The following PPP3CA variants were observed in gnomAD, a reference collection of about 807,000 sequenced individuals.
The protein encoded by PPP3CA is protein phosphatase 3 catalytic subunit alpha, also known as CAM-PRP catalytic subunit.
A neutral mutation model predicts 66.5 loss-of-function variants in PPP3CA; 14 were observed. That is an observed-to-expected ratio of 0.21 (90% CI 0.14 to 0.33). PPP3CA has a LOEUF of 0.33. PPP3CA is among the 10% of genes least tolerant of loss of function. The pLI, the probability that PPP3CA is intolerant of heterozygous loss-of-function variation, is 1.00. For missense variants in PPP3CA, 317 were observed against 639.5 expected (o/e 0.50, Z 5.44); for synonymous variants, 232 against 226.2 (o/e 1.03, Z -0.23).
intron 2 of PPP3CA, among the ~76,000 whole-genome samples, chr4:101,182,254 G>A (rs1481901112): frequency 1.3e-5 from 2 of 152,126 alleles, no homozygotes; most frequent in African/African-American, 4.8e-5. Context: ...AGAAGTTTTA[G>A]ATACAGTTAT....
intron 1 of PPP3CA, among the ~76,000 whole-genome samples, chr4:101,296,135 T>C (rs1424253426): frequency 6.6e-6 from 1 of 152,168 alleles, no homozygotes; most frequent in Non-Finnish European, 1.5e-5. Context: ...TGTTCCTAAA[T>C]GGTAGCACAA....
chr4:101,310,875 T>C (rs1306572539), intron 1 of PPP3CA, among the ~76,000 whole-genome samples: 1 of 152,160 alleles, frequency 6.6e-6, no homozygotes, highest in Non-Finnish European at 1.5e-5. Flanking sequence ...TGAATGTACT[T>C]AAAATGAAAG....
At chr4:101,026,541 A>C (rs1057011693) in intron 13 of PPP3CA, among the ~76,000 whole-genome samples, 2 of 152,212 alleles carry the variant, frequency 1.3e-5, no homozygotes, top group African/African-American at 2.4e-5. Flanking sequence ...AAACCTAGCA[A>C]AGGGCTTAAA....
At chr4:101,213,430 C>T (rs1272468249) in intron 1 of PPP3CA, among the ~76,000 whole-genome samples, 1 of 151,974 alleles carries the variant, frequency 6.6e-6, no homozygotes, top group Admixed American at 6.6e-5. Context: ...ATCTTCAAAC[C>T]AATGATGGAT....
At chr4:101,151,749 C>T (rs763178383) in intron 2 of PPP3CA, among the ~76,000 whole-genome samples, 3 of 138,050 alleles carry the variant, frequency 2.2e-5, no homozygotes, top group Non-Finnish European at 3.1e-5. Flanking sequence ...CTCCGCCTTC[C>T]GGGTTCAAGC....
intron 1 of PPP3CA, among the ~76,000 whole-genome samples, chr4:101,208,452 C>A (rs530398156): frequency 2.0e-5 from 3 of 152,260 alleles, no homozygotes; most frequent in Non-Finnish European, 2.9e-5. Flanking sequence ...AGGAATGGAG[C>A]CATTCTTAGC....
intron 2 of PPP3CA, among the ~76,000 whole-genome samples, chr4:101,158,891 A>G (rs1723411744): frequency 6.6e-6 from 1 of 152,218 alleles, no homozygotes; most frequent in African/African-American, 2.4e-5. Flanking sequence ...CTTTTAACCA[A>G]TATCATCCAT....
chr4:101,281,857 T>G (rs1560696362), intron 1 of PPP3CA, among the ~76,000 whole-genome samples: 1 of 152,194 alleles, frequency 6.6e-6, no homozygotes, highest in Non-Finnish European at 1.5e-5. Flanking sequence ...AAAGACAGAC[T>G]TGCTAGTTAT....
intron 1 of PPP3CA, among the ~76,000 whole-genome samples, chr4:101,300,578 T>G (rs1322259730): frequency 6.6e-6 from 1 of 152,162 alleles, no homozygotes; most frequent in Non-Finnish European, 1.5e-5. Context: ...GTGGATCACT[T>G]GATGCCAGGA....
intron 1 of PPP3CA, among the ~76,000 whole-genome samples, chr4:101,228,498 A>G (rs1725853624): frequency 6.6e-6 from 1 of 151,664 alleles, no homozygotes; most frequent in South Asian, 2.1e-4. Context: ...CACCATGCAA[A>G]ATGGAATTTT....
At chr4:101,108,035 C>T (rs887426677) in intron 3 of PPP3CA, 5 of 152,152 alleles carry the variant, frequency 3.3e-5, no homozygotes, top group Admixed American at 3.3e-4. Flanking sequence ...ATGAATAAAA[C>T]AAGGTCTCTG....
chr4:101,050,578 T>C (rs1727966532), intron 10 of PPP3CA, among the ~76,000 whole-genome samples: 6 of 152,202 alleles, frequency 3.9e-5, no homozygotes, highest in Admixed American at 3.9e-4. Context: ...GAGATGGTAC[T>C]GCTAGTCTCT....
intron 8 of PPP3CA, among the ~76,000 whole-genome samples, chr4:101,064,430 A>G (rs939199669): frequency 5.9e-5 from 9 of 151,984 alleles, no homozygotes; most frequent in African/African-American, 2.2e-4. Flanking sequence ...CTTTGGCAAG[A>G]TTTCATTTTT....
Position 101,116,433 on chromosome 4 carries a change from T to C in PPP3CA, c.260-7355A>G, listed in dbSNP as rs543953549. ...TTGGATATTCTATTTACCAAAACTT[T>C]CTTCTTTTCCAAAATCTACAATTTT... On this transcript the variant is annotated intron_variant, in intron 2 of 13. Coordinates refer to ENST00000394854, the MANE Select transcript of PPP3CA (RefSeq NM_000944.5). Among the ~76,000 whole-genome samples the C allele has an allele frequency of 7.2e-5, 11 of 152,078 alleles. 1 individual carries two copies. In the South Asian group the frequency reaches 2.3e-3, roughly 32 times the overall value.
intron 2 of PPP3CA, among the ~76,000 whole-genome samples, chr4:101,195,295 G>C (rs1724752975): frequency 6.6e-6 from 1 of 151,618 alleles, no homozygotes; most frequent in South Asian, 2.1e-4. Context: ...ATATTTTGTA[G>C]GGACAAAATG....
rs1560605272 is a variant in PPP3CA, at chr4:101,106,468, A to AGAAAGAAAGAAG, written c.384+2485_384+2486insCTTCTTTCTTTC. Among the ~76,000 whole-genome samples, 8 of 46,134 alleles carry AGAAAGAAAGAAG rather than the reference A, an allele frequency of 1.7e-4. 1 individual carries two copies. The highest frequency in any genetic ancestry group is 3.5e-4 in the Admixed American group (2 of 5,736). The allele number at this position is 46,134 out of a possible 152,430, so 30.3% of individuals were successfully genotyped here. ...AAGAAAGAAAGAGAAAAGAAAAGAA[A>AGAAAGAAAGAAG]AGAAAAGAAAAGAAAAGAAAAGAAA... On this transcript the variant is annotated intron_variant, in intron 3 of 13. Transcript: ENST00000394854.
intron 10 of PPP3CA, among the ~76,000 whole-genome samples, chr4:101,060,230 A>G (rs937822522): frequency 1.3e-5 from 2 of 151,860 alleles, no homozygotes; most frequent in Non-Finnish European, 2.9e-5. Flanking sequence ...TAGGACCACA[A>G]TCATGCACCA....
intron 1 of PPP3CA, among the ~76,000 whole-genome samples, chr4:101,285,547 G>A (rs1727814839): frequency 6.7e-6 from 1 of 150,314 alleles, no homozygotes; most frequent in African/African-American, 2.5e-5. Context: ...ACATTTCAAA[G>A]AATTAATTGA....
At chr4:101,274,716 A>T (rs1017578514) in intron 1 of PPP3CA, among the ~76,000 whole-genome samples, 1 of 152,314 alleles carries the variant, frequency 6.6e-6, no homozygotes, top group Middle Eastern at 3.4e-3. Flanking sequence ...TTGTCCAATT[A>T]GTAAAATCTC....
Sources: gnomAD v4.1 joint callset for allele counts (sites outside exome capture counted in the v4.1 genomes callset) on GRCh38, gnomAD v4.1.1 for gene constraint, MANE v1.5 for transcripts, NCBI Gene and HGNC (gene_info 2026-07-23, HGNC 2026-07-21) for gene names.